Variants in FAF1 observed in about 807,000 individuals in gnomAD.
FAF1 encodes the protein Fas associated factor 1, also known as FAS-associated factor 1.
FAF1 carries 25 observed loss-of-function variants against 92.5 expected under a neutral mutation model. The ratio of observed to expected loss-of-function variants is 0.27; its 90% CI spans 0.20 to 0.38. FAF1 has a LOEUF of 0.38. Ranked by LOEUF, FAF1 falls within the 10% of genes least tolerant of loss-of-function variation. The pLI is 1.00. For missense variants in FAF1, 636 were observed against 793.3 expected (o/e 0.80, Z 2.38); for synonymous variants, 234 against 273.2 (o/e 0.86, Z 1.42).
chr1:50,796,136 G>T (rs1372222258), intron 3 of FAF1, among the ~76,000 whole-genome samples: 1 of 151,844 alleles, frequency 6.6e-6, no homozygotes, highest in Non-Finnish European at 1.5e-5. Flanking sequence ...AATAAATAGT[G>T]AAAGAAGAAA....
chr1:50,949,880 G>A (rs1343262815), intron 1 of FAF1, among the ~76,000 whole-genome samples: 2 of 151,038 alleles, frequency 1.3e-5, no homozygotes, highest in Non-Finnish European at 3.0e-5. Context: ...TTTTTTTCGA[G>A]ACAGGGTCTC....
intron 15 of FAF1, among the ~76,000 whole-genome samples, chr1:50,509,827 G>T (rs192101688): frequency 8.6e-4 from 131 of 151,822 alleles, no homozygotes; most frequent in African/African-American, 3.1e-3. Context: ...GTGCCCTTGG[G>T]CAAGTTCCTT....
intron 1 of FAF1, among the ~76,000 whole-genome samples, chr1:50,940,246 A>C (rs1264594061): frequency 2.6e-5 from 4 of 152,156 alleles, no homozygotes; most frequent in African/African-American, 9.7e-5. Context: ...CAGTAAGTAC[A>C]TTACCAGATT....
intron 2 of FAF1, among the ~76,000 whole-genome samples, chr1:50,815,517 A>T (rs1643960508): frequency 6.6e-6 from 1 of 152,188 alleles, no homozygotes; most frequent in African/African-American, 2.4e-5. Flanking sequence ...TACTGCTGTG[A>T]TGAACACATT....
At position 50,571,457 on chromosome 1, in the gene FAF1, G is replaced by T. The variant is rs17387385; in HGVS notation, c.1114-4226C>A. Among the ~76,000 whole-genome samples the T allele has an allele frequency of 7.6e-3, 1,159 of 152,270 alleles. 8 individuals carry two copies. Among genetic ancestry groups the T allele is most frequent in the South Asian group, 0.018 (86 of 4,818 alleles). On this transcript the variant is annotated intron_variant, in intron 12 of 18. Coordinates refer to ENST00000396153, the MANE Select transcript of FAF1 (RefSeq NM_007051.3). ...TGTAGGTTAAGTACCTATTTACAAG[G>T]CCTGGCCCATAGTAGGTGCTGAATG... is the stretch of plus-strand genomic sequence containing the variant.
At chr1:50,875,774 G>T (rs1456846057) in intron 1 of FAF1, among the ~76,000 whole-genome samples, 3 of 151,932 alleles carry the variant, frequency 2.0e-5, no homozygotes, top group African/African-American at 7.3e-5. Context: ...TTCTTATTAA[G>T]TACTGTCATC....
intron 8 of FAF1, among the ~76,000 whole-genome samples, chr1:50,609,862 A>G (rs1350542392): frequency 6.6e-6 from 1 of 152,186 alleles, no homozygotes; most frequent in East Asian, 1.9e-4. Flanking sequence ...TGAAAAGAAT[A>G]AAGAGAACAA....
At chr1:50,928,739 C>T (rs1310263058) in intron 1 of FAF1, among the ~76,000 whole-genome samples, 3 of 145,052 alleles carry the variant, frequency 2.1e-5, no homozygotes, top group East Asian at 2.0e-4. Context: ...ACCGAAATCA[C>T]GCCATTGGAC....
At chr1:50,550,060 G>A (rs1260470290) in intron 13 of FAF1, among the ~76,000 whole-genome samples, 2 of 151,862 alleles carry the variant, frequency 1.3e-5, no homozygotes, top group East Asian at 3.9e-4. Flanking sequence ...ATAAAAATGT[G>A]GGAGTGCATG....
chr1:50,673,232 T>A (rs1655974504), intron 7 of FAF1, among the ~76,000 whole-genome samples: 1 of 150,090 alleles, frequency 6.7e-6, no homozygotes, highest in South Asian at 2.1e-4. Flanking sequence ...CACTCCAGCC[T>A]GGGAACAGAG....
chr1:50,671,215 G>A (rs1655859719), intron 7 of FAF1, among the ~76,000 whole-genome samples: 2 of 151,964 alleles, frequency 1.3e-5, no homozygotes, highest in African/African-American at 4.8e-5. Context: ...GATCAGCCTG[G>A]CCAACACTGT....
At chr1:50,485,213 G>T (rs1031101291) in intron 17 of FAF1, among the ~76,000 whole-genome samples, 1 of 151,434 alleles carries the variant, frequency 6.6e-6, no homozygotes, top group Non-Finnish European at 1.5e-5. Flanking sequence ...CTCCCACCTC[G>T]GCCTCCCAAG....
intron 1 of FAF1, among the ~76,000 whole-genome samples, chr1:50,916,096 A>G (rs903438026): frequency 2.6e-5 from 4 of 152,208 alleles, no homozygotes; most frequent in Admixed American, 2.6e-4. Context: ...AATAGATAAT[A>G]AAAGCACCAG....
chr1:50,448,948 T>A (rs1398065392), intron 18 of FAF1, among the ~76,000 whole-genome samples: 1 of 151,946 alleles, frequency 6.6e-6, no homozygotes, highest in Non-Finnish European at 1.5e-5. Context: ...TTTTTTTTTT[T>A]TTTTTTTCAA....
chr1:50,829,547 A>T (rs1266024886), intron 2 of FAF1, among the ~76,000 whole-genome samples: 1 of 152,224 alleles, frequency 6.6e-6, no homozygotes, highest in Non-Finnish European at 1.5e-5. Context: ...CCACAAAAGG[A>T]AAACAGGCAT....
At chr1:50,739,124 CATAT>C (rs1174882968) in intron 5 of FAF1, among the ~76,000 whole-genome samples, 170 bp from the exon 6 acceptor site, 7 of 151,412 alleles carry the variant, frequency 4.6e-5, no homozygotes, top group Non-Finnish European at 1.0e-4. Context: ...CCTTATTGCC[CATAT>C]ATATAATATA....
intron 1 of FAF1, among the ~76,000 whole-genome samples, 175 bp from the exon 2 acceptor site, chr1:50,858,172 G>A (rs1005654599): frequency 1.5e-4 from 23 of 151,714 alleles, no homozygotes; most frequent in African/African-American, 5.1e-4. Flanking sequence ...TGTGAACATT[G>A]TTAATTACAA....
chr1:50,703,905 C>T (rs1413882723), intron 7 of FAF1, among the ~76,000 whole-genome samples: 1 of 152,160 alleles, frequency 6.6e-6, no homozygotes, highest in East Asian at 1.9e-4. Context: ...ATTGCATTAA[C>T]GCTGCTTAAA....
At chr1:50,495,308 T>C (rs1646885728) in intron 15 of FAF1, among the ~76,000 whole-genome samples, 1 of 152,164 alleles carries the variant, frequency 6.6e-6, no homozygotes, top group African/African-American at 2.4e-5. Context: ...TCTATCTCCA[T>C]GTGTTTAATT....
Sources: allele counts gnomAD v4.1 joint callset (sites outside exome capture counted in the v4.1 genomes callset), GRCh38; gene constraint gnomAD v4.1.1; transcripts MANE v1.5; gene names NCBI Gene and HGNC (gene_info 2026-07-23, HGNC 2026-07-21).